The following PRDM12 variants were observed in gnomAD, a reference collection of about 807,000 sequenced individuals.
The protein encoded by PRDM12 is PR/SET domain 12.
PRDM12 carries 17 observed loss-of-function variants against 29.6 expected under a neutral mutation model. The ratio of observed to expected loss-of-function variants is 0.57; its 90% confidence interval spans 0.39 to 0.86. The LOEUF is 0.86. Ranked by LOEUF, PRDM12 falls within the 40% of genes least tolerant of loss-of-function variation. PRDM12 has a pLI of 0.00. For synonymous variants in PRDM12, 231 were observed against 225.8 expected, an observed-to-expected ratio of 1.02 and a Z score of -0.21; for missense variants, 422 against 510.8, an observed-to-expected ratio of 0.83 and a Z score of 1.68.
chr9:130,678,667 G>A, intron 4 of PRDM12, 27 bp downstream of exon 4: 1 of 1,552,418 alleles, frequency 6.4e-7, no homozygotes, highest in Non-Finnish European at 8.9e-7. Context: ...GGGCCGCTGA[G>A]ACACAGACCC....
chr9:130,670,455 TGGA>T (rs1214916354), intron 3 of PRDM12, among the ~76,000 whole-genome samples: 1 of 151,274 alleles, frequency 6.6e-6, no homozygotes, highest in Non-Finnish European at 1.5e-5. Flanking sequence ...GAGCAGGAGG[TGGA>T]GGATAAGAAA....
chr9:130,673,447 G>C (rs1036990547), intron 3 of PRDM12, among the ~76,000 whole-genome samples: 3 of 152,192 alleles, frequency 2.0e-5, no homozygotes, highest in Admixed American at 1.3e-4. Context: ...TGGGCAGTTG[G>C]GGCTGCTGGC....
Position 130,668,313 on chromosome 9 carries a change from GGTGTGTGTGT to G in PRDM12, c.570+8_570+17del, listed in dbSNP as rs138789124. 3.8e-5 allele frequency: 60 copies of G among 1,592,128 alleles called. No individual in the cohort carries two copies. The highest frequency in any genetic ancestry group is 5.0e-5 in the Non-Finnish European group (58 of 1,165,032). On this transcript the variant is annotated splice_donor_variant and splice_donor_5th_base_variant and intron_variant, in intron 3 of 4. Transcript: ENST00000253008. LOFTEE classifies it high-confidence loss of function. The surrounding 1 kb of genome is among the most constrained non-coding windows in gnomAD (Gnocchi z 4.0). The stretch of plus-strand genomic sequence containing the variant: ...CCAGCATCTTCTACAAGGCCATTGA[GGTGTGTGTGT>G]GTGTGTGCACTGTTGTGTAGGGACC...
At chr9:130,665,348 G>A (rs1830722791) in intron 1 of PRDM12, among the ~76,000 whole-genome samples, 3 of 152,132 alleles carry the variant, frequency 2.0e-5, no homozygotes, top group African/African-American at 7.2e-5. Context: ...AAAAAGCCGC[G>A]GGGAGAGCGA....
At chr9:130,667,433 C>T (rs1458222475) in intron 2 of PRDM12, among the ~76,000 whole-genome samples, 2 of 152,170 alleles carry the variant, frequency 1.3e-5, no homozygotes, top group Admixed American at 6.5e-5. Flanking sequence ...AGGGCCACCC[C>T]TGTGCTTCTT....
At chr9:130,671,203 GTCA>G in intron 3 of PRDM12, among the ~76,000 whole-genome samples, 1 of 152,102 alleles carries the variant, frequency 6.6e-6, no homozygotes, top group African/African-American at 2.4e-5. Flanking sequence ...AAATTAGCCA[GTCA>G]TGGTGGCGGG....
At chr9:130,665,612 C>T (rs1830725938) in intron 1 of PRDM12, among the ~76,000 whole-genome samples, 1 of 152,164 alleles carries the variant, frequency 6.6e-6, no homozygotes, top group African/African-American at 2.4e-5. Flanking sequence ...TTAAACAAGT[C>T]CCCTCCGCAT....
Position 130,680,659 on chromosome 9 carries a change from A to ATATAT in PRDM12, c.683-588_683-587insATATT. On this transcript the variant is annotated intron_variant, in intron 4 of 4. Coordinates refer to ENST00000253008, the MANE Select transcript of PRDM12 (RefSeq NM_021619.3). ...AATATATATATATATATATATATAT[A>ATATAT]TTTTTTTTTTTTTTAACTGATCCTT... Among the ~76,000 whole-genome samples, 135 of 72,140 alleles carry ATATAT rather than the reference A, an allele frequency of 1.9e-3. 1 individual carries two copies. Among genetic ancestry groups the ATATAT allele is most frequent in the Non-Finnish European group, 2.6e-3 (115 of 44,888 alleles). 47.3% of individuals were successfully genotyped at this position (72,140 alleles called of 152,430 possible).
chr9:130,667,167 C>A (rs1050969090), intron 2 of PRDM12, among the ~76,000 whole-genome samples: 33 of 152,210 alleles, frequency 2.2e-4, no homozygotes, highest in African/African-American at 7.7e-4. Context: ...TTCCCTGGCC[C>A]CGGAAGCAGC....
chr9:130,671,379 A>T (rs1217240511), intron 3 of PRDM12, among the ~76,000 whole-genome samples: 1 of 128,628 alleles, frequency 7.8e-6, no homozygotes, highest in Non-Finnish European at 1.6e-5. Flanking sequence ...ATCAGGACAC[A>T]CACACACACA....
chr9:130,673,697 G>A (rs1227047438), intron 3 of PRDM12, among the ~76,000 whole-genome samples: 1 of 108,562 alleles, frequency 9.2e-6, no homozygotes, highest in South Asian at 2.9e-4. Flanking sequence ...TTGAGACAGA[G>A]TTTCACTCTT....
Position 130,681,910 on chromosome 9 carries a change from T to C in PRDM12, c.*241T>C. 4.5e-6 allele frequency: 1 copy of C among 223,138 alleles called. No homozygotes were observed. Among genetic ancestry groups the C allele is most frequent in the Non-Finnish European group, 7.5e-6 (1 of 133,224 alleles). 13.8% of individuals were successfully genotyped at this position (223,138 alleles called of 1,614,324 possible). On this transcript the variant is annotated 3_prime_UTR_variant, in exon 5 of 5. Coordinates refer to ENST00000253008, the MANE Select transcript of PRDM12 (RefSeq NM_021619.3). This position sits in a 1 kb window ranked among gnomAD's most constrained non-coding sequence, Gnocchi z 8.1. ...CAGCTGGTGCGGCTGTTCGGCCGCCTCCTCTGGGAGGGGGTCCCCCTGCCT... is the reference window on the plus strand; with the variant it reads ...CAGCTGGTGCGGCTGTTCGGCCGCCCCCTCTGGGAGGGGGTCCCCCTGCCT...
Position 130,668,112 on chromosome 9 carries a change from A to T in PRDM12, c.415-46A>T. ...TGGATGTGCCTGGAAGATGGTACAC[A>T]TGGCATAGCCCTGCCTTACCTGGTC... On this transcript the variant is annotated intron_variant, in intron 2 of 4. Coordinates refer to ENST00000253008, the MANE Select transcript of PRDM12 (RefSeq NM_021619.3). This position sits in a 1 kb window ranked among gnomAD's most constrained non-coding sequence, Gnocchi z 4.0. The T allele has an allele frequency of 6.2e-7, 1 of 1,604,720 alleles. No individual in the cohort carries two copies. Among genetic ancestry groups the T allele is most frequent in the Admixed American group, 1.7e-5 (1 of 59,864 alleles).
At position 130,671,374 on chromosome 9, in the gene PRDM12, GACACACAC is replaced by G. The variant is rs56920587; in HGVS notation, c.570+3098_570+3105del. On this transcript the variant is annotated intron_variant, in intron 3 of 4. Coordinates refer to ENST00000253008, the MANE Select transcript of PRDM12 (RefSeq NM_021619.3). ...AACAACAACAAAAAAAGAGGATCAG[GACACACAC>G]ACACACACACACACACACACACACA... Among the ~76,000 whole-genome samples, 1,036 of 135,718 alleles carry G rather than the reference GACACACAC, an allele frequency of 7.6e-3. 7 individuals carry two copies. The highest frequency in any genetic ancestry group is 0.015 in the Admixed American group (196 of 13,332). The allele number at this position is 135,718 out of a possible 152,430, so 89.0% of individuals were successfully genotyped here.
At chr9:130,672,427 G>A (rs980408675) in intron 3 of PRDM12, among the ~76,000 whole-genome samples, 4 of 152,144 alleles carry the variant, frequency 2.6e-5, no homozygotes, top group African/African-American at 9.7e-5. Flanking sequence ...GACCTCAAGC[G>A]ATCTGCCCGC....
chr9:130,668,032 A>G lies in PRDM12; in HGVS notation c.415-126A>G. The G allele has an allele frequency of 7.9e-7, 1 of 1,269,422 alleles. No homozygotes were observed. 78.6% of individuals were successfully genotyped at this position (1,269,422 alleles called of 1,614,324 possible). A position where few individuals can be genotyped will look rare whatever the true frequency, so the allele number is the denominator to read the frequency against. On this transcript the variant is annotated intron_variant, in intron 2 of 4. Coordinates refer to ENST00000253008, the MANE Select transcript of PRDM12 (RefSeq NM_021619.3). The surrounding 1 kb of genome is among the most constrained non-coding windows in gnomAD (Gnocchi z 4.0). ...CTCCAGCCTTCCTTTCTTCAGTGGG[A>G]AAATGAAGCTTTATCCACTTCCTGG...
At chr9:130,678,508 C>T in intron 3 of PRDM12, 21 bp from the exon 4 acceptor site, 1 of 1,583,550 alleles carries the variant, frequency 6.3e-7, no homozygotes. Flanking sequence ...CCCTGACCTC[C>T]TCTTGCCTTC....
intron 1 of PRDM12, among the ~76,000 whole-genome samples, chr9:130,665,428 C>T (rs898262589): frequency 1.3e-5 from 2 of 152,168 alleles, no homozygotes; most frequent in African/African-American, 4.8e-5. Flanking sequence ...CCTCATTCAT[C>T]AACCCGCAAA....
chr9:130,680,167 T>C (rs1222802035), intron 4 of PRDM12, among the ~76,000 whole-genome samples: 1 of 151,406 alleles, frequency 6.6e-6, no homozygotes, highest in Non-Finnish European at 1.5e-5. Flanking sequence ...CAAGACCCCA[T>C]CTCTACAAAA....
Sources: allele counts gnomAD v4.1 joint callset (sites outside exome capture counted in the v4.1 genomes callset), GRCh38; gene constraint gnomAD v4.1.1; non-coding constraint Gnocchi (gnomAD v3.1); transcripts MANE v1.5; gene names NCBI Gene and HGNC (gene_info 2026-07-23, HGNC 2026-07-21).